OR10P1: variants seen among roughly 807,000 people sequenced by gnomAD.
OR10P1 encodes the protein olfactory receptor 10P1.
For missense variants in OR10P1, 424 were observed against 408.3 expected, an observed-to-expected ratio of 1.04 and a Z score of -0.33; for synonymous variants, 181 against 171.1, an observed-to-expected ratio of 1.06 and a Z score of -0.45.
Position 55,636,952 on chromosome 12 carries a change from A to G in OR10P1, c.61A>G (p.Lys21Glu), listed in dbSNP as rs759824741. ...CCTCCTTCTGGGATTCTCTGACCTC[A>G]AGGCCCTGCAGGGCCCCCTGTTCTG... ...EFLLLGFSDLKALQGPLFWVV... is the reference protein window; with the variant it reads ...EFLLLGFSDLEALQGPLFWVV... Residue 21 changes from lysine to glutamate, a missense_variant, in exon 1 of 1, where the codon AAG becomes GAG. Coordinates refer to ENST00000309675, the MANE Select transcript of OR10P1 (RefSeq NM_206899.1). The G allele has an allele frequency of 4.3e-6, 7 of 1,613,558 alleles. No homozygotes were observed. The highest frequency in any genetic ancestry group is 5.9e-6 in the Non-Finnish European group (7 of 1,179,742).
rs1408899916 is a variant in OR10P1 at position 55,637,698 on chromosome 12, T to C, written c.807T>C (p.Val269=). ...TYIRPQAGSS[V]TTDRVLSLFY... The stretch of plus-strand genomic sequence containing the variant: ...TCCGGCCGCAGGCAGGCTCCTCTGT[T>C]ACCACAGACCGCGTCCTCAGTCTCT... The change falls in exon 1 of 1, where the codon GTT becomes GTC. Residue 269 remains valine (V), a synonymous_variant. Transcript: ENST00000309675. The C allele has an allele frequency of 6.2e-7, 1 of 1,614,090 alleles. No individual in the cohort carries two copies. Among genetic ancestry groups the C allele is most frequent in the South Asian group, 1.1e-5 (1 of 91,082 alleles).
At position 55,637,806 on chromosome 12, in the gene OR10P1, G is replaced by C; in HGVS notation, c.915G>C (p.Leu305Phe). ...NKDVRRALRH[L>F]VKRQRPSP is the part of the protein sequence containing the mutation. ...ACGTGAGGAGGGCCCTGCGACACTT[G>C]GTGAAGAGGCAGCGCCCCTCACCCT... Residue 305 changes from leucine to phenylalanine, a missense_variant, in exon 1 of 1, where the codon TTG becomes TTC. Physicochemically the swap from Leu to Phe is conservative, Grantham distance 22. Coordinates refer to ENST00000309675, the MANE Select transcript of OR10P1 (RefSeq NM_206899.1). The C allele has an allele frequency of 6.2e-7, 1 of 1,606,340 alleles. No homozygotes were observed. Among genetic ancestry groups the C allele is most frequent in the African/African-American group, 1.3e-5 (1 of 74,980 alleles).
chr12:55,636,993 C>A lies in OR10P1; in HGVS notation c.102C>A (p.Val34=). The A allele has an allele frequency of 6.2e-7, 1 of 1,613,818 alleles. No homozygotes were observed. Among genetic ancestry groups the A allele is most frequent in the Non-Finnish European group, 8.5e-7 (1 of 1,179,770 alleles). The change falls in exon 1 of 1, where the codon GTC becomes GTA. Residue 34 remains valine, a synonymous_variant. Transcript: ENST00000309675. ...CCCTGTTCTGGGTGGTGCTTCTGGT[C>A]TACCTGGTCACCTTGCTGGGTAACT... ...QGPLFWVVLL[V]YLVTLLGNSL... is the part of the protein sequence containing the mutation.
Position 55,637,752 on chromosome 12 carries a change from C to A in OR10P1, c.861C>A (p.Asn287Lys). ...LFYTVITPMLNPIIYTLRNKD... is the reference protein window; with the variant it reads ...LFYTVITPMLKPIIYTLRNKD... The stretch of plus-strand genomic sequence containing the variant: ...ACACAGTCATCACACCCATGCTCAA[C>A]CCCATCATCTACACCCTTCGGAACA... Residue 287 changes from asparagine (N) to lysine (K), a missense_variant, in exon 1 of 1, where the codon AAC becomes AAA. Transcript: ENST00000309675. 1 of 1,613,702 alleles carries A rather than the reference C, an allele frequency of 6.2e-7. No homozygotes were observed.
rs1030414620 is a variant in OR10P1 at position 55,637,066 on chromosome 12, A to G, written c.175A>G (p.Met59Val). ...GGTCAGCCCTGCCCTGCACTCCCCC[A>G]TGTACTTCTTCCTGCGCCAACTCTC... ...TQVSPALHSP[M>V]YFFLRQLSVV... is the part of the protein sequence containing the mutation. The change falls in exon 1 of 1, where the codon ATG becomes GTG. Residue 59 changes from methionine to valine, a missense_variant. Physicochemically the swap from Met to Val is conservative, Grantham distance 21 (BLOSUM62 1). Coordinates refer to ENST00000309675, the MANE Select transcript of OR10P1 (RefSeq NM_206899.1). 2 of 1,613,666 alleles carry G rather than the reference A, an allele frequency of 1.2e-6. No homozygotes were observed. The highest frequency in any genetic ancestry group is 1.7e-6 in the Non-Finnish European group (2 of 1,179,882).
chr12:55,637,316 G>A lies in OR10P1; in HGVS notation c.425G>A (p.Cys142Tyr). 1 of 1,613,896 alleles carries A rather than the reference G, an allele frequency of 6.2e-7. No homozygotes were observed. The highest frequency in any genetic ancestry group is 1.7e-5 in the Admixed American group (1 of 60,024). ...RYSTLLSPRACMAMVGTSWLT... is the reference protein window; with the variant it reads ...RYSTLLSPRAYMAMVGTSWLT... ...TCCACCCTCTTGAGCCCACGGGCCT[G>A]CATGGCCATGGTGGGTACCTCCTGG... The change falls in exon 1 of 1, where the codon TGC (cysteine) becomes TAC (tyrosine). Residue 142 changes from cysteine (C) to tyrosine (Y), a missense_variant. Cys to Tyr is a radical substitution (Grantham distance 194). Coordinates refer to ENST00000309675, the MANE Select transcript of OR10P1 (RefSeq NM_206899.1).
At position 55,637,747 on chromosome 12, in the gene OR10P1, C is replaced by G; in HGVS notation, c.856C>G (p.Leu286Val). ...SLFYTVITPM[L>V]NPIIYTLRNK... ...CTTCTACACAGTCATCACACCCATG[C>G]TCAACCCCATCATCTACACCCTTCG... The change falls in exon 1 of 1, where the codon CTC (leucine) becomes GTC (valine). Residue 286 changes from leucine (L) to valine (V), a missense_variant. Transcript: ENST00000309675. 2 of 1,613,484 alleles carry G rather than the reference C, an allele frequency of 1.2e-6. No individual in the cohort carries two copies. Among genetic ancestry groups the G allele is most frequent in the Non-Finnish European group, 1.7e-6 (2 of 1,179,918 alleles).
At position 55,637,717 on chromosome 12, in the gene OR10P1, A is replaced by G. The variant is rs780369555; in HGVS notation, c.826A>G (p.Ser276Gly). ...CTCTGTTACCACAGACCGCGTCCTC[A>G]GTCTCTTCTACACAGTCATCACACC... Reference protein sequence around the residue: ...GSSVTTDRVLSLFYTVITPML... With the variant: ...GSSVTTDRVLGLFYTVITPML... Residue 276 changes from serine to glycine, a missense_variant, in exon 1 of 1, where the codon AGT becomes GGT. Ser to Gly is a moderately conservative substitution (Grantham distance 56). Coordinates refer to ENST00000309675, the MANE Select transcript of OR10P1 (RefSeq NM_206899.1). The G allele has an allele frequency of 3.7e-6, 6 of 1,613,842 alleles. No homozygotes were observed. Among genetic ancestry groups the G allele is most frequent in the Middle Eastern group, 3.3e-4 (2 of 6,084 alleles).
Position 55,637,480 on chromosome 12 carries a change from G to A in OR10P1, c.589G>A (p.Glu197Lys), listed in dbSNP as rs141032808. 7.6e-5 allele frequency: 122 copies of A among 1,613,948 alleles called. 1 individual carries two copies. In the African/African-American group the frequency reaches 1.3e-3, roughly 17 times the overall value. Residue 197 changes from glutamate (E) to lysine (K), a missense_variant, in exon 1 of 1, where the codon GAG becomes AAG. Transcript: ENST00000309675. ...GGCAAGTGCTGGGAAGCACAGGAGC[G>A]AGATCTCCGTGATGACAGCCACCAT... The part of the protein sequence containing the change: ...RLASAGKHRS[E>K]ISVMTATIVF...
At position 55,636,987 on chromosome 12, in the gene OR10P1, T is replaced by C; in HGVS notation, c.96T>C (p.Leu32=). 1 of 1,613,842 alleles carries C rather than the reference T, an allele frequency of 6.2e-7. No homozygotes were observed. Among genetic ancestry groups the C allele is most frequent in the Non-Finnish European group, 8.5e-7 (1 of 1,179,822 alleles). The change falls in exon 1 of 1, where the codon CTT becomes CTC. Residue 32 remains leucine, a synonymous_variant. Transcript: ENST00000309675. ...AGGGCCCCCTGTTCTGGGTGGTGCTTCTGGTCTACCTGGTCACCTTGCTGG... is the reference window on the plus strand; with the variant it reads ...AGGGCCCCCTGTTCTGGGTGGTGCTCCTGGTCTACCTGGTCACCTTGCTGG... ...ALQGPLFWVV[L]LVYLVTLLGN... is the part of the protein sequence containing the mutation.
Position 55,637,705 on chromosome 12 carries a change from GA to G in OR10P1, c.815del (p.Asp272AlafsTer27). 1 of 1,614,088 alleles carries G rather than the reference GA, an allele frequency of 6.2e-7. No individual in the cohort carries two copies. The highest frequency in any genetic ancestry group is 8.5e-7 in the Non-Finnish European group (1 of 1,180,002). ...GCAGGCAGGCTCCTCTGTTACCACA[GA>G]CCGCGTCCTCAGTCTCTTCTACACA... ...RPQAGSSVTT[D>X]RVLSLFYTVI... On this transcript the variant is annotated frameshift_variant, in exon 1 of 1. Coordinates refer to ENST00000309675, the MANE Select transcript of OR10P1 (RefSeq NM_206899.1). LOFTEE classifies it low-confidence loss of function (END_TRUNC).
In OR10P1 at chr12:55,637,609, T is replaced by C; in HGVS notation, c.718T>C (p.Ser240Pro). 1 of 1,614,116 alleles carries C rather than the reference T, an allele frequency of 6.2e-7. No individual in the cohort carries two copies. Among genetic ancestry groups the C allele is most frequent in the South Asian group, 1.1e-5 (1 of 91,076 alleles). The change falls in exon 1 of 1, where the codon TCC becomes CCC. Residue 240 changes from serine to proline, a missense_variant. Physicochemically the swap from Ser to Pro is moderately conservative, Grantham distance 74. Coordinates refer to ENST00000309675, the MANE Select transcript of OR10P1 (RefSeq NM_206899.1). ...ASTQSRRKVF[S>P]TCSSHLLVVS... is the part of the protein sequence containing the mutation. ...CACCCAGAGCCGCCGCAAGGTCTTC[T>C]CCACCTGCTCCTCCCATCTGCTCGT...
At position 55,637,070 on chromosome 12, in the gene OR10P1, A is replaced by G; in HGVS notation, c.179A>G (p.Tyr60Cys). 6.2e-7 allele frequency: 1 copy of G among 1,613,638 alleles called. No individual in the cohort carries two copies. ...QVSPALHSPMYFFLRQLSVVE... is the reference protein window; with the variant it reads ...QVSPALHSPMCFFLRQLSVVE... The stretch of plus-strand genomic sequence containing the variant: ...AGCCCTGCCCTGCACTCCCCCATGT[A>G]CTTCTTCCTGCGCCAACTCTCAGTG... Residue 60 changes from tyrosine to cysteine, a missense_variant, in exon 1 of 1, where the codon TAC becomes TGC. Physicochemically the swap from Tyr to Cys is radical, Grantham distance 194 (BLOSUM62 -2). Transcript: ENST00000309675.
rs10876838 is a variant in OR10P1, at chr12:55,637,154, C to T, written c.263C>T (p.Pro88Leu). 0.43 allele frequency: 686,078 copies of T among 1,613,626 alleles called. 151,652 individuals carry two copies. Among genetic ancestry groups the T allele is most frequent in the Non-Finnish European group, 0.46 (544,120 of 1,179,678 alleles). ...VPRTLANLGSPHPQAISFQGC... is the reference protein window; with the variant it reads ...VPRTLANLGSLHPQAISFQGC... Reference sequence around the variant, plus strand: ...AGGACCCTGGCCAATCTGGGCTCCCCGCATCCCCAGGCCATCTCTTTCCAG... The same window carrying T: ...AGGACCCTGGCCAATCTGGGCTCCCTGCATCCCCAGGCCATCTCTTTCCAG... Residue 88 changes from proline (P) to leucine (L), a missense_variant, in exon 1 of 1, where the codon CCG (proline) becomes CTG (leucine). Pro to Leu is a moderately conservative substitution (Grantham distance 98). Coordinates refer to ENST00000309675, the MANE Select transcript of OR10P1 (RefSeq NM_206899.1).
In OR10P1 at chr12:55,637,805, T is replaced by G. The variant is rs1868489698; in HGVS notation, c.914T>G (p.Leu305Trp). ...NKDVRRALRH[L>W]VKRQRPSP is the part of the protein sequence containing the mutation. The stretch of plus-strand genomic sequence containing the variant: ...GACGTGAGGAGGGCCCTGCGACACT[T>G]GGTGAAGAGGCAGCGCCCCTCACCC... The change falls in exon 1 of 1, where the codon TTG becomes TGG. Residue 305 changes from leucine (L) to tryptophan (W), a missense_variant. Physicochemically the swap from Leu to Trp is moderately conservative, Grantham distance 61. Transcript: ENST00000309675. 6.2e-7 allele frequency: 1 copy of G among 1,606,852 alleles called. No homozygotes were observed. The highest frequency in any genetic ancestry group is 8.5e-7 in the Non-Finnish European group (1 of 1,179,170).
rs1868465751 is a variant in OR10P1, at chr12:55,637,159, C to A, written c.268C>A (p.Pro90Thr). ...CCTGGCCAATCTGGGCTCCCCGCATCCCCAGGCCATCTCTTTCCAGGGCTG... is the reference window on the plus strand; with the variant it reads ...CCTGGCCAATCTGGGCTCCCCGCATACCCAGGCCATCTCTTTCCAGGGCTG... The part of the protein sequence containing the change: ...RTLANLGSPH[P>T]QAISFQGCAA... The change falls in exon 1 of 1, where the codon CCC becomes ACC. Residue 90 changes from proline to threonine, a missense_variant. Physicochemically the swap from Pro to Thr is conservative, Grantham distance 38 (BLOSUM62 -1). Transcript: ENST00000309675. 1.9e-6 allele frequency: 3 copies of A among 1,614,034 alleles called. No homozygotes were observed. The highest frequency in any genetic ancestry group is 2.5e-6 in the Non-Finnish European group (3 of 1,180,006).
In OR10P1 at chr12:55,637,225, G is replaced by A. The variant is rs372576004; in HGVS notation, c.334G>A (p.Glu112Lys). Residue 112 changes from glutamate (E) to lysine (K), a missense_variant, in exon 1 of 1, where the codon GAG becomes AAG. Coordinates refer to ENST00000309675, the MANE Select transcript of OR10P1 (RefSeq NM_206899.1). ...CGTCTTCATTGTCCTGGGCATCTCG[G>A]AGTGCTGCCTGCTCACGGCCATGGC... is the stretch of plus-strand genomic sequence containing the variant. ...MYVFIVLGIS[E>K]CCLLTAMAYD... The A allele has an allele frequency of 5.0e-6, 8 of 1,614,088 alleles. No homozygotes were observed. The African/African-American group carries it at 1.1e-4, about 22-fold the overall frequency.
rs773952811 is a variant in OR10P1 at position 55,637,799 on chromosome 12, G to C, written c.908G>C (p.Arg303Pro). The C allele has an allele frequency of 3.1e-6, 5 of 1,607,724 alleles. 1 individual carries two copies. The South Asian group carries it at 3.3e-5, about 11-fold the overall frequency. ...AACAAGGACGTGAGGAGGGCCCTGCGACACTTGGTGAAGAGGCAGCGCCCC... is the reference window on the plus strand; with the variant it reads ...AACAAGGACGTGAGGAGGGCCCTGCCACACTTGGTGAAGAGGCAGCGCCCC... ...LRNKDVRRAL[R>P]HLVKRQRPSP Residue 303 changes from arginine to proline, a missense_variant, in exon 1 of 1, where the codon CGA becomes CCA. Physicochemically the swap from Arg to Pro is moderately radical, Grantham distance 103. Transcript: ENST00000309675.
At position 55,637,819 on chromosome 12, in the gene OR10P1, C is replaced by T. The variant is rs759897189; in HGVS notation, c.928C>T (p.Arg310Cys). 5.0e-6 allele frequency: 8 copies of T among 1,597,488 alleles called. No homozygotes were observed. The highest frequency in any genetic ancestry group is 2.2e-5 in the South Asian group (2 of 90,678). ...RALRHLVKRQ[R>C]PSP is the part of the protein sequence containing the mutation. ...CCTGCGACACTTGGTGAAGAGGCAGCGCCCCTCACCCTGAAGGGACTCGGA... is the reference window on the plus strand; with the variant it reads ...CCTGCGACACTTGGTGAAGAGGCAGTGCCCCTCACCCTGAAGGGACTCGGA... Residue 310 changes from arginine to cysteine, a missense_variant, in exon 1 of 1, where the codon CGC becomes TGC. Arg to Cys is a radical substitution (Grantham distance 180, BLOSUM62 -3). Transcript: ENST00000309675.
Sources: allele counts gnomAD v4.1 joint callset, GRCh38; gene constraint gnomAD v4.1.1; transcripts MANE v1.5; gene names NCBI Gene and HGNC (gene_info 2026-07-23, HGNC 2026-07-21).